DCDC1: variants seen among roughly 807,000 people sequenced by gnomAD.
The protein encoded by DCDC1 is doublecortin domain-containing protein 1.
Under a neutral mutation model 178.3 loss-of-function variants are expected in DCDC1, and 200 were observed. That is an observed-to-expected ratio of 1.12 (90% CI 1.00 to 1.26). DCDC1 has a LOEUF of 1.26. DCDC1 is among the 50% of genes most tolerant of loss of function. The pLI is 0.00. For missense variants in DCDC1, 1,983 were observed against 1,749.2 expected (o/e 1.13, Z -2.38); for synonymous variants, 690 against 604.8 (o/e 1.14, Z -2.07).
chr11:31,125,728 G>A (rs891743662), intron 11 of DCDC1, among the ~76,000 whole-genome samples: 1 of 152,090 alleles, frequency 6.6e-6, no homozygotes, highest in Non-Finnish European at 1.5e-5. Flanking sequence ...TGAATAATGA[G>A]AACACGTGGA....
intron 17 of DCDC1, among the ~76,000 whole-genome samples, chr11:31,090,485 T>C (rs780031224): frequency 7.9e-5 from 12 of 152,134 alleles, no homozygotes; most frequent in African/African-American, 2.7e-4. Flanking sequence ...ACCTACCCTA[T>C]CAGATTGTTG....
chr11:31,260,297 G>T (rs1411726244), intron 8 of DCDC1, among the ~76,000 whole-genome samples: 1 of 152,026 alleles, frequency 6.6e-6, no homozygotes, highest in African/African-American at 2.4e-5. Context: ...TTAAAATTTT[G>T]GATTTTATTT....
intron 36 of DCDC1, among the ~76,000 whole-genome samples, chr11:30,885,643 G>A (rs1943098380): frequency 6.6e-6 from 1 of 151,996 alleles, no homozygotes; most frequent in Admixed American, 6.6e-5. Context: ...TTTTTCTTCT[G>A]TCGAACCTGC....
rs574103158 is a variant in DCDC1, at chr11:31,300,280, TTTG to T, written c.754+5332_754+5334del. 2.1e-3 allele frequency among the ~76,000 whole-genome samples: 319 copies of T among 152,220 alleles called. 1 individual carries two copies. The highest frequency in any genetic ancestry group is 3.7e-3 in the Non-Finnish European group (255 of 68,018). On this transcript the variant is annotated intron_variant, in intron 6 of 38. Coordinates refer to ENST00000684477, the MANE Select transcript of DCDC1 (RefSeq NM_001387274.1). ...AGTGATGAAGAAAGTAGAAACAAAT[TTTG>T]TTGTTGTTGTTATTTTCCTGAGCCC...
Position 31,290,788 on chromosome 11 carries a change from G to A in DCDC1, c.819C>T (p.Ile273=), listed in dbSNP as rs957566567. The change falls in exon 7 of 39, where the codon ATC becomes ATT. Residue 273 remains isoleucine (I), a synonymous_variant. Coordinates refer to ENST00000684477, the MANE Select transcript of DCDC1 (RefSeq NM_001387274.1). The stretch of plus-strand genomic sequence containing the variant: ...GAACAGGCTTGGTTTTCCGTCTTTT[G>A]ATATCAGTAGGAAGCATCAACCCAT... ...TMNGLMLPTD[I]KRRKTKPVLS... is the part of the protein sequence containing the mutation. 6.2e-7 allele frequency: 1 copy of A among 1,613,384 alleles called. No individual in the cohort carries two copies. The highest frequency in any genetic ancestry group is 8.5e-7 in the Non-Finnish European group (1 of 1,179,572).
intron 9 of DCDC1, among the ~76,000 whole-genome samples, chr11:31,149,676 G>A (rs1964946392): frequency 6.6e-6 from 1 of 151,970 alleles, no homozygotes; most frequent in Non-Finnish European, 1.5e-5. Context: ...AAGTCACCGA[G>A]ACAACGAACC....
At chr11:30,920,742 C>G (rs1946192245) in intron 25 of DCDC1, 34 bp downstream of exon 25, 1 of 1,607,420 alleles carries the variant, frequency 6.2e-7, no homozygotes, top group South Asian at 1.1e-5. Context: ...CAAAAAGCAG[C>G]CAGGTAGCTT....
At chr11:31,325,053 T>A (rs1463235983) in intron 3 of DCDC1, among the ~76,000 whole-genome samples, 1 of 152,156 alleles carries the variant, frequency 6.6e-6, no homozygotes, top group African/African-American at 2.4e-5. Context: ...ATTATAAAAA[T>A]CATTAAATCA....
intron 9 of DCDC1, among the ~76,000 whole-genome samples, chr11:31,191,424 T>C (rs158140): frequency 0.3 from 45,546 of 151,938 alleles, 8,315 homozygotes; most frequent in East Asian, 0.63. Context: ...GCCATACATA[T>C]AAAACCTTGC....
chr11:31,367,242 T>C (rs541075725), intron 1 of DCDC1, among the ~76,000 whole-genome samples: 4 of 152,352 alleles, frequency 2.6e-5, no homozygotes, highest in Admixed American at 2.6e-4. Flanking sequence ...GAGGCTGCAG[T>C]GAGCTGAGAT....
intron 21 of DCDC1, among the ~76,000 whole-genome samples, chr11:30,950,626 CTCATACAT>C (rs1477562136): frequency 6.6e-6 from 1 of 152,100 alleles, no homozygotes; most frequent in East Asian, 1.9e-4. Flanking sequence ...TATGTTTTCA[CTCATACAT>C]AGGAGCAAAA....
intron 20 of DCDC1, among the ~76,000 whole-genome samples, chr11:30,973,813 T>C (rs1949947300): frequency 6.6e-6 from 1 of 152,174 alleles, no homozygotes; most frequent in Non-Finnish European, 1.5e-5. Flanking sequence ...CATCCTACTC[T>C]CAACATAGAC....
At chr11:31,275,747 G>GC (rs1945940339) in intron 7 of DCDC1, among the ~76,000 whole-genome samples, 4 of 152,150 alleles carry the variant, frequency 2.6e-5, no homozygotes, top group South Asian at 4.2e-4. Flanking sequence ...CAGGTGTTCC[G>GC]CCTTCCTTGG....
chr11:31,213,206 C>G (rs941091528), intron 9 of DCDC1, among the ~76,000 whole-genome samples: 3 of 142,844 alleles, frequency 2.1e-5, no homozygotes, highest in African/African-American at 7.9e-5. Flanking sequence ...CCAAGAAAGG[C>G]ATGTGGCTCT....
At chr11:30,913,738 A>G (rs1289817957) in intron 27 of DCDC1, among the ~76,000 whole-genome samples, 1 of 152,196 alleles carries the variant, frequency 6.6e-6, no homozygotes, top group Non-Finnish European at 1.5e-5. Flanking sequence ...ATGACCCAAC[A>G]TCTCATAGAG....
At chr11:31,334,148 T>A (rs777392247) in intron 2 of DCDC1, among the ~76,000 whole-genome samples, 7 of 152,176 alleles carry the variant, frequency 4.6e-5, no homozygotes, top group Non-Finnish European at 8.8e-5. Context: ...CCACTGATAC[T>A]CTTTCTTCTA....
intron 20 of DCDC1, among the ~76,000 whole-genome samples, chr11:30,973,784 TAACAGTTGGATACATC>T (rs1949945573): frequency 6.6e-6 from 1 of 152,090 alleles, no homozygotes; most frequent in Non-Finnish European, 1.5e-5. Flanking sequence ...TGTAATACAG[TAACAGTTGGATACATC>T]AACATCCTAC....
chr11:31,213,822 C>T (rs987010173), intron 9 of DCDC1, among the ~76,000 whole-genome samples: 84 of 151,542 alleles, frequency 5.5e-4, no homozygotes, highest in East Asian at 5.8e-4. Context: ...CTAATATTAC[C>T]GACTATTACT....
intron 11 of DCDC1, among the ~76,000 whole-genome samples, chr11:31,124,934 C>A (rs1961385806): frequency 6.6e-6 from 1 of 152,020 alleles, no homozygotes; most frequent in Non-Finnish European, 1.5e-5. Flanking sequence ...CAAATGGGAT[C>A]TAATTAAACT....
Sources: allele counts gnomAD v4.1 joint callset (sites outside exome capture counted in the v4.1 genomes callset), GRCh38; gene constraint gnomAD v4.1.1; transcripts MANE v1.5; gene names NCBI Gene and HGNC (gene_info 2026-07-23, HGNC 2026-07-21).